The following TOPAZ1 variants were observed in gnomAD, a reference collection of about 807,000 sequenced individuals.
TOPAZ1 encodes the protein testis and ovary specific TOPAZ 1, also known as protein TOPAZ1.
A neutral mutation model predicts 172.2 loss-of-function variants in TOPAZ1; 66 were observed. That is an observed-to-expected ratio of 0.38 (90% CI 0.31 to 0.47). TOPAZ1 has a LOEUF of 0.47. Ranked by LOEUF, TOPAZ1 falls within the 20% of genes least tolerant of loss-of-function variation. The probability of loss-of-function intolerance (pLI) is 0.99; values close to 1 mark genes in which losing one functional copy is unlikely to be tolerated. For missense variants in TOPAZ1, 1,822 were observed against 1,972.4 expected, an observed-to-expected ratio of 0.92 and a Z score of 1.44; for synonymous variants, 681 against 683.9, an observed-to-expected ratio of 1.00 and a Z score of 0.07.
At chr3:44,325,730 A>G (rs1450055536) in intron 18 of TOPAZ1, among the ~76,000 whole-genome samples, 9 of 148,570 alleles carry the variant, frequency 6.1e-5, no homozygotes, top group African/African-American at 2.2e-4. Context: ...TGCAACCTCC[A>G]CCTCCCAGGT....
chr3:44,284,799 A>T (rs1184245541), intron 9 of TOPAZ1, among the ~76,000 whole-genome samples: 1 of 152,244 alleles, frequency 6.6e-6, no homozygotes, highest in Non-Finnish European at 1.5e-5. Context: ...CAGTAGAAAA[A>T]AGTCTTTTCT....
At chr3:44,291,247 T>C (rs1700134308) in intron 12 of TOPAZ1, among the ~76,000 whole-genome samples, 2 of 151,870 alleles carry the variant, frequency 1.3e-5, no homozygotes, top group Non-Finnish European at 2.9e-5. Context: ...CTTAATAAAA[T>C]ACTTTAGTGC....
In TOPAZ1 at chr3:44,242,365, G is replaced by A. The variant is rs1172912115; in HGVS notation, c.312G>A (p.Lys104=). The part of the protein sequence containing the change: ...SSDPRGLEAA[K]EAELPLQTER... The stretch of plus-strand genomic sequence containing the variant: ...ACCCGCGAGGCCTAGAAGCAGCAAA[G>A]GAGGCTGAACTCCCCTTGCAAACGG... The change falls in exon 1 of 20, where the codon AAG becomes AAA. Residue 104 remains lysine, a synonymous_variant. Transcript: ENST00000309765. The A allele has an allele frequency of 1.3e-6, 2 of 1,552,266 alleles. No individual in the cohort carries two copies. Among genetic ancestry groups the A allele is most frequent in the Admixed American group, 2.0e-5 (1 of 50,984 alleles).
At position 44,331,749 on chromosome 3, in the gene TOPAZ1, C is replaced by CT. The variant is rs1559551706; in HGVS notation, c.4860-37dup. 4 of 1,390,480 alleles carry CT rather than the reference C, an allele frequency of 2.9e-6. No individual in the cohort carries two copies. In the South Asian group the frequency reaches 5.0e-5, roughly 17 times the overall value. 86.1% of individuals were successfully genotyped at this position (1,390,480 alleles called of 1,614,324 possible). On this transcript the variant is annotated intron_variant, in intron 19 of 19. Transcript: ENST00000309765. Reference sequence around the variant, plus strand: ...ACTATCTTTTGAAGAAACTATATAGCTTTTTTAAGAGTTTCTGACTTTATG... The same window carrying CT: ...ACTATCTTTTGAAGAAACTATATAGCTTTTTTTAAGAGTTTCTGACTTTATG...
In TOPAZ1 at chr3:44,244,386, G is replaced by A. The variant is rs571300439; in HGVS notation, c.1880G>A (p.Gly627Glu). 4 of 1,550,348 alleles carry A rather than the reference G, an allele frequency of 2.6e-6. No individual in the cohort carries two copies. Among genetic ancestry groups the A allele is most frequent in the African/African-American group, 2.7e-5 (2 of 72,876 alleles). ...QLTSETQSLT[G>E]NKKKARGNLT... ...ACCAGTGAGACTCAAAGCTTAACGG[G>A]AAATAAAAAAAAAGCTAGAGGAAAT... Residue 627 changes from glycine (G) to glutamate (E), a missense_variant, in exon 2 of 20, where the codon GGA becomes GAA. Gly to Glu is a moderately conservative substitution (Grantham distance 98, BLOSUM62 -2). Coordinates refer to ENST00000309765, the MANE Select transcript of TOPAZ1 (RefSeq NM_001145030.2).
intron 4 of TOPAZ1, among the ~76,000 whole-genome samples, chr3:44,258,805 A>G (rs1001398521): frequency 6.6e-5 from 10 of 152,126 alleles, no homozygotes; most frequent in African/African-American, 1.7e-4. Flanking sequence ...TTGTGTATCT[A>G]TGTGTTTTAA....
chr3:44,304,124 A>T, intron 13 of TOPAZ1, 43 bp downstream of exon 13: 1 of 1,179,650 alleles, frequency 8.5e-7, no homozygotes, highest in Non-Finnish European at 1.2e-6. Context: ...GGATCTCTGA[A>T]AATCAATAGC....
downstream of TOPAZ1, among the ~76,000 whole-genome samples, chr3:44,332,662 T>A (rs1162433956): frequency 6.6e-6 from 1 of 152,160 alleles, no homozygotes; most frequent in East Asian, 1.9e-4. Flanking sequence ...TCTTCTGAAG[T>A]CATATTCAGA....
intron 16 of TOPAZ1, among the ~76,000 whole-genome samples, chr3:44,313,339 C>T (rs1293397760): frequency 1.3e-5 from 2 of 152,016 alleles, no homozygotes; most frequent in African/African-American, 2.4e-5. Flanking sequence ...GGGCCAGGTG[C>T]GGTGGCTCAT....
intron 14 of TOPAZ1, 80 bp downstream of exon 14, chr3:44,305,401 C>T: frequency 8.0e-7 from 1 of 1,242,652 alleles, no homozygotes; most frequent in Non-Finnish European, 1.1e-6. Flanking sequence ...ACAGGGTCTT[C>T]CTTTGTTACC....
At chr3:44,333,515 A>G (rs1246310211), downstream of TOPAZ1, among the ~76,000 whole-genome samples, 2 of 152,224 alleles carry the variant, frequency 1.3e-5, no homozygotes, top group East Asian at 1.9e-4. Context: ...AATTAGAGAA[A>G]TATGTGACCA....
intron 9 of TOPAZ1, among the ~76,000 whole-genome samples, chr3:44,282,270 T>A (rs946236064): frequency 2.0e-5 from 3 of 152,222 alleles, no homozygotes; most frequent in African/African-American, 7.2e-5. Context: ...ATTTTATTTA[T>A]AAGTGTAAGA....
At chr3:44,335,284 A>C (rs576545282), downstream of TOPAZ1, among the ~76,000 whole-genome samples, 1 of 152,254 alleles carries the variant, frequency 6.6e-6, no homozygotes, top group Non-Finnish European at 1.5e-5. Context: ...ACCGCTGCTA[A>C]GGCTCTTAAG....
At chr3:44,321,273 TTTGA>T in intron 17 of TOPAZ1, 82 bp downstream of exon 17, 2 of 965,526 alleles carry the variant, frequency 2.1e-6, no homozygotes, top group Non-Finnish European at 2.9e-6. Flanking sequence ...ATCCACCTGT[TTTGA>T]TTGAGTTTTA....
Position 44,330,810 on chromosome 3 carries a change from A to G in TOPAZ1, c.4860-982A>G, listed in dbSNP as rs145160345. On this transcript the variant is annotated intron_variant, in intron 19 of 19. Transcript: ENST00000309765. Reference sequence around the variant, plus strand: ...CCCATTCCCTACCCCAGAGGAAAAAACTGACATACCGTGTGAATTTTATGC... The same window carrying G: ...CCCATTCCCTACCCCAGAGGAAAAAGCTGACATACCGTGTGAATTTTATGC... Among the ~76,000 whole-genome samples, 116 of 152,332 alleles carry G rather than the reference A, an allele frequency of 7.6e-4. 1 individual carries two copies. The highest frequency in any genetic ancestry group is 2.7e-3 in the African/African-American group (114 of 41,572).
At chr3:44,285,452 G>A (rs1233427483) in intron 9 of TOPAZ1, among the ~76,000 whole-genome samples, 1 of 152,102 alleles carries the variant, frequency 6.6e-6, no homozygotes, top group Non-Finnish European at 1.5e-5. Context: ...GGGTGACAGA[G>A]CAAGACCGTG....
At chr3:44,292,028 A>T (rs1416712167) in intron 12 of TOPAZ1, among the ~76,000 whole-genome samples, 1 of 152,152 alleles carries the variant, frequency 6.6e-6, no homozygotes, top group Non-Finnish European at 1.5e-5. Flanking sequence ...GTCAGCCTTA[A>T]CATAGGCTTA....
At chr3:44,260,211 T>C (rs1699760396) in intron 4 of TOPAZ1, among the ~76,000 whole-genome samples, 1 of 152,200 alleles carries the variant, frequency 6.6e-6, no homozygotes, top group Non-Finnish European at 1.5e-5. Flanking sequence ...TCTTGGGCAG[T>C]TCTTTATAGT....
chr3:44,297,051 A>T (rs1307923013), intron 12 of TOPAZ1, among the ~76,000 whole-genome samples: 1 of 151,620 alleles, frequency 6.6e-6, no homozygotes, highest in African/African-American at 2.4e-5. Flanking sequence ...CATGCCTGTA[A>T]TCCCAGCTAC....
Sources: gnomAD v4.1 joint callset for allele counts (sites outside exome capture counted in the v4.1 genomes callset) on GRCh38, gnomAD v4.1.1 for gene constraint, MANE v1.5 for transcripts, NCBI Gene and HGNC (gene_info 2026-07-23, HGNC 2026-07-21) for gene names.